The following POU6F2 variants were observed in gnomAD, a reference collection of about 807,000 sequenced individuals.
POU6F2 encodes POU class 6 homeobox 2, also known as POU domain, class 6, transcription factor 2.
A neutral mutation model predicts 71.3 loss-of-function variants in POU6F2; 31 were observed. The observed-to-expected ratio is 0.43, with a 90% CI of 0.33 to 0.59. The LOEUF is 0.59. Among genes scored for constraint, POU6F2 ranks in the 20% least tolerant of loss-of-function variants. POU6F2 has a pLI of 0.04. For missense variants in POU6F2, 783 were observed against 856.8 expected (o/e 0.91, Z 1.07); for synonymous variants, 347 against 355.7 (o/e 0.98, Z 0.27).
At chr7:39,312,175 T>C (rs1018749203) in intron 4 of POU6F2, among the ~76,000 whole-genome samples, 4 of 109,670 alleles carry the variant, frequency 3.6e-5, no homozygotes, top group African/African-American at 1.3e-4. Flanking sequence ...GAATGGACGA[T>C]GTAGTAGAAA....
At chr7:39,222,027 G>GTTAC (rs1794373466) in intron 4 of POU6F2, among the ~76,000 whole-genome samples, 1 of 152,034 alleles carries the variant, frequency 6.6e-6, no homozygotes, top group African/African-American at 2.4e-5. Flanking sequence ...ATCTCTGTTA[G>GTTAC]TTACTTATTT....
intron 2 of POU6F2, among the ~76,000 whole-genome samples, chr7:39,106,225 G>A (rs923085414): frequency 2.0e-5 from 3 of 152,170 alleles, no homozygotes; most frequent in African/African-American, 7.2e-5. Context: ...ACTCCATGAG[G>A]CAGATATTTA....
At chr7:39,084,107 T>C (rs1791186485) in intron 1 of POU6F2, among the ~76,000 whole-genome samples, 1 of 152,186 alleles carries the variant, frequency 6.6e-6, no homozygotes, top group Non-Finnish European at 1.5e-5. Flanking sequence ...ATCCCCCTCC[T>C]TTCTCGCTGT....
chr7:39,191,928 GA>G (rs1173027309), intron 2 of POU6F2, among the ~76,000 whole-genome samples: 2 of 152,104 alleles, frequency 1.3e-5, no homozygotes, highest in South Asian at 2.1e-4. Flanking sequence ...TCTTGGGAAG[GA>G]AAAAAGTCTC....
chr7:39,122,905 GC>G (rs947873548), intron 2 of POU6F2, among the ~76,000 whole-genome samples: 6 of 151,796 alleles, frequency 4.0e-5, no homozygotes, highest in African/African-American at 1.5e-4. Context: ...ACGGGGTTTT[GC>G]CATGTTGACC....
chr7:39,164,493 A>G (rs1359504900), intron 2 of POU6F2, among the ~76,000 whole-genome samples: 1 of 142,818 alleles, frequency 7.0e-6, no homozygotes, highest in Admixed American at 7.1e-5. Context: ...GGAGCAGGGT[A>G]GGAACCCATT....
intron 1 of POU6F2, among the ~76,000 whole-genome samples, chr7:39,064,250 A>G (rs1372172472): frequency 6.6e-6 from 1 of 152,002 alleles, no homozygotes; most frequent in Admixed American, 6.6e-5. Flanking sequence ...TTAGAATGAG[A>G]TGTGTGTTGG....
At chr7:39,252,399 G>GACAGACAGAC (rs1554335522) in intron 4 of POU6F2, among the ~76,000 whole-genome samples, 39 of 144,268 alleles carry the variant, frequency 2.7e-4, no homozygotes, top group Admixed American at 1.3e-3. Context: ...CAGACAGACA[G>GACAGACAGAC]ACACACACAC....
At chr7:39,021,040 G>T (rs530016429) in intron 1 of POU6F2, among the ~76,000 whole-genome samples, 5 of 151,390 alleles carry the variant, frequency 3.3e-5, no homozygotes, top group African/African-American at 1.2e-4. Context: ...TGGATCCATT[G>T]TCTTTTAATG....
chr7:39,186,535 T>A, intron 2 of POU6F2, among the ~76,000 whole-genome samples: 1 of 152,002 alleles, frequency 6.6e-6, no homozygotes, highest in Admixed American at 6.6e-5. Flanking sequence ...AGACACCACC[T>A]CAGCCTTTGT....
At chr7:39,425,084 A>T (rs2115990769) in intron 6 of POU6F2, among the ~76,000 whole-genome samples, 1 of 152,262 alleles carries the variant, frequency 6.6e-6, no homozygotes, top group African/African-American at 2.4e-5. Flanking sequence ...CTGCATAACT[A>T]GGGTTCAGGC....
intron 5 of POU6F2, among the ~76,000 whole-genome samples, chr7:39,375,338 G>A (rs1161503414): frequency 6.6e-6 from 1 of 152,130 alleles, no homozygotes; most frequent in Non-Finnish European, 1.5e-5. Context: ...GCCATTAAAT[G>A]AATAAATATT....
chr7:39,033,002 G>A (rs977818216), intron 1 of POU6F2, among the ~76,000 whole-genome samples: 6 of 152,164 alleles, frequency 3.9e-5, no homozygotes, highest in African/African-American at 9.7e-5. Context: ...AGTTACTCCC[G>A]TTCAGTGTCA....
chr7:39,101,359 G>A (rs911501988), intron 2 of POU6F2, among the ~76,000 whole-genome samples: 4 of 151,988 alleles, frequency 2.6e-5, no homozygotes, highest in East Asian at 1.9e-4. Flanking sequence ...ATAAGCGTGA[G>A]CCGCCATGCC....
intron 4 of POU6F2, among the ~76,000 whole-genome samples, chr7:39,338,409 C>T (rs1387565373): frequency 6.6e-6 from 1 of 152,108 alleles, no homozygotes; most frequent in Non-Finnish European, 1.5e-5. Context: ...ACATCACAAG[C>T]CCCAGAACAC....
chr7:39,127,550 C>A (rs1229156479), intron 2 of POU6F2, among the ~76,000 whole-genome samples: 3 of 152,118 alleles, frequency 2.0e-5, no homozygotes, highest in African/African-American at 4.8e-5. Context: ...AATATATAAT[C>A]CATCAGATGG....
intron 4 of POU6F2, among the ~76,000 whole-genome samples, chr7:39,298,194 C>G (rs1784887774): frequency 6.6e-6 from 1 of 152,148 alleles, no homozygotes; most frequent in Admixed American, 6.6e-5. Context: ...AGCTTCTGCA[C>G]AGCAAAAGAA....
chr7:39,344,057 C>T (rs914626451), intron 5 of POU6F2, among the ~76,000 whole-genome samples: 1 of 152,112 alleles, frequency 6.6e-6, no homozygotes, highest in African/African-American at 2.4e-5. Flanking sequence ...AAGCTCTGGT[C>T]CCAGATTGCT....
chr7:39,455,529 C>T (rs1290421956), intron 8 of POU6F2, among the ~76,000 whole-genome samples: 5 of 152,136 alleles, frequency 3.3e-5, no homozygotes, highest in Admixed American at 1.3e-4. Flanking sequence ...CACTAAAAAG[C>T]AGACAGCTAT....
Sources: gnomAD v4.1 joint callset for allele counts (sites outside exome capture counted in the v4.1 genomes callset) on GRCh38, gnomAD v4.1.1 for gene constraint, MANE v1.5 for transcripts, NCBI Gene and HGNC (gene_info 2026-07-23, HGNC 2026-07-21) for gene names.